Variants in NAV2 observed in about 807,000 individuals in gnomAD.
The protein encoded by NAV2 is neuron navigator 2.
In NAV2, 54 loss-of-function variants were observed where a neutral mutation model predicts 223.2. That is an observed-to-expected ratio of 0.24 (90% CI 0.19 to 0.30). The LOEUF (loss-of-function observed/expected upper bound fraction) is 0.30, where lower values mean the gene tolerates loss of function less well. Among genes scored for constraint, NAV2 ranks in the 10% least tolerant of loss-of-function variants. NAV2 has a pLI of 1.00. For synonymous variants in NAV2, 1,279 were observed against 1,239.3 expected (o/e 1.03, Z -0.67); for missense variants, 2,806 against 3,147.5 (o/e 0.89, Z 2.60).
intron 11 of NAV2, among the ~76,000 whole-genome samples, chr11:19,989,863 G>A (rs371723367): frequency 1.2e-4 from 18 of 152,014 alleles, no homozygotes; most frequent in Admixed American, 2.0e-4. Context: ...CAAATCCTCC[G>A]GTCGCCTAAC....
At chr11:19,980,862 G>T (rs1023947351) in intron 10 of NAV2, among the ~76,000 whole-genome samples, 3 of 152,144 alleles carry the variant, frequency 2.0e-5, no homozygotes, top group Non-Finnish European at 2.9e-5. Context: ...TTAATTTCTT[G>T]AGTGTGAGGC....
At chr11:19,934,837 A>T (rs927717813) in intron 7 of NAV2, among the ~76,000 whole-genome samples, 2 of 151,782 alleles carry the variant, frequency 1.3e-5, no homozygotes, top group Non-Finnish European at 2.9e-5. Flanking sequence ...GGTCTAGAAG[A>T]ACAAGAGCTC....
intron 1 of NAV2, among the ~76,000 whole-genome samples, chr11:19,746,183 G>T (rs1032069924): frequency 6.6e-6 from 1 of 152,184 alleles, no homozygotes; most frequent in Non-Finnish European, 1.5e-5. Flanking sequence ...GTTAGGTTCT[G>T]CTGGATCTCA....
intron 24 of NAV2, 116 bp downstream of exon 24, chr11:20,078,220 CATGTCAGGCAAGCAGGAA>C: frequency 1.3e-6 from 1 of 770,804 alleles, no homozygotes; most frequent in Non-Finnish European, 2.2e-6. Context: ...AATTCAGCTC[CATGTCAGGCAAGCAGGAA>C]CTGGAAGGCA....
chr11:19,697,478 A>G (rs1210659691), intron 1 of NAV2, among the ~76,000 whole-genome samples: 2 of 152,138 alleles, frequency 1.3e-5, no homozygotes, highest in African/African-American at 4.8e-5. Context: ...CTTCCTGAAT[A>G]GGGCAATGCA....
At chr11:19,670,730 G>A (rs948570994) in intron 1 of NAV2, among the ~76,000 whole-genome samples, 3 of 152,206 alleles carry the variant, frequency 2.0e-5, no homozygotes, top group Non-Finnish European at 2.9e-5. Flanking sequence ...TCACATAGAA[G>A]GCAGAAGCAG....
chr11:19,904,649 C>A (rs1450863805), intron 6 of NAV2, among the ~76,000 whole-genome samples: 1 of 152,068 alleles, frequency 6.6e-6, no homozygotes, highest in Non-Finnish European at 1.5e-5. Context: ...CCTGAACTAG[C>A]TTTTTTCTTC....
At chr11:19,455,569 A>G (rs1245303417) in intron 1 of NAV2, among the ~76,000 whole-genome samples, 4 of 152,212 alleles carry the variant, frequency 2.6e-5, no homozygotes, top group African/African-American at 9.6e-5. Context: ...TTAGGGCCTC[A>G]GTGAATATTT....
chr11:19,981,548 T>A (rs1193484139), intron 10 of NAV2, among the ~76,000 whole-genome samples: 2 of 152,214 alleles, frequency 1.3e-5, no homozygotes, highest in African/African-American at 4.8e-5. Context: ...TTTGACAAGA[T>A]CTCCCCAGTT....
intron 2 of NAV2, among the ~76,000 whole-genome samples, chr11:19,837,095 T>C (rs990041031): frequency 6.6e-6 from 1 of 152,138 alleles, no homozygotes; most frequent in Non-Finnish European, 1.5e-5. Flanking sequence ...TTTTATTAAG[T>C]CCTCCCCTTG....
chr11:19,454,712 G>A (rs1307042927), intron 1 of NAV2, among the ~76,000 whole-genome samples: 5 of 152,140 alleles, frequency 3.3e-5, no homozygotes, highest in Admixed American at 3.3e-4. Flanking sequence ...GTGAATTAAT[G>A]GGACACGTAA....
intron 1 of NAV2, among the ~76,000 whole-genome samples, chr11:19,432,179 C>T (rs1163522772): frequency 2.6e-5 from 3 of 113,410 alleles, no homozygotes; most frequent in Non-Finnish European, 5.3e-5. Flanking sequence ...GCCTGGGCAA[C>T]AAGAGCAAAA....
At chr11:19,636,697 C>T (rs2047512754) in intron 1 of NAV2, among the ~76,000 whole-genome samples, 1 of 152,160 alleles carries the variant, frequency 6.6e-6, no homozygotes, top group Admixed American at 6.5e-5. Context: ...GTCTTGATCT[C>T]CTGACCTTGT....
At chr11:19,989,976 A>G (rs965361750) in intron 11 of NAV2, among the ~76,000 whole-genome samples, 1 of 152,206 alleles carries the variant, frequency 6.6e-6, no homozygotes, top group Admixed American at 6.5e-5. Flanking sequence ...TGAAAATACA[A>G]GCAATGCCCA....
At chr11:19,483,843 C>G (rs1362383369) in intron 1 of NAV2, among the ~76,000 whole-genome samples, 1 of 152,108 alleles carries the variant, frequency 6.6e-6, no homozygotes, top group Non-Finnish European at 1.5e-5. Context: ...CTGTTCTTGT[C>G]TTTCAGAAGA....
Position 19,522,562 on chromosome 11 carries a change from G to A in NAV2, c.75+171535G>A, listed in dbSNP as rs58470067. Among the ~76,000 whole-genome samples the A allele has an allele frequency of 8.8e-3, 1,335 of 152,274 alleles. 14 individuals are homozygous for A. The highest frequency in any genetic ancestry group is 0.031 in the African/African-American group (1,274 of 41,554). On this transcript the variant is annotated intron_variant, in intron 1 of 37. Coordinates refer to the NAV2 transcript ENST00000360655. ...CCCTGGCCCCTGCTGGAACCCATGA[G>A]GCCCTCCTGAGCCTCCTCACCACTG...
At chr11:19,945,977 T>C (rs1014867070) in intron 8 of NAV2, among the ~76,000 whole-genome samples, 6 of 152,232 alleles carry the variant, frequency 3.9e-5, no homozygotes, top group Admixed American at 3.3e-4. Flanking sequence ...CAAGCTATGC[T>C]TGCACAGTAG....
At chr11:20,049,623 C>T (rs749451451) in intron 15 of NAV2, among the ~76,000 whole-genome samples, 3 of 151,966 alleles carry the variant, frequency 2.0e-5, no homozygotes, top group Non-Finnish European at 4.4e-5. Context: ...TTGTGGCAAA[C>T]ACCCTCCTCC....
At position 19,370,723 on chromosome 11, in the gene NAV2, C is replaced by T. The variant is rs190136853; in HGVS notation, c.75+19696C>T. Among the ~76,000 whole-genome samples the T allele has an allele frequency of 1.2e-4, 18 of 152,312 alleles. No homozygotes were observed. The East Asian group carries it at 3.3e-3, about 28-fold the overall frequency. On this transcript the variant is annotated intron_variant, in intron 1 of 37. Coordinates refer to the NAV2 transcript ENST00000360655. ...GTGTAACAGTCAGAGGATAACATGG[C>T]GCCTGTGCTTGCAGACTCCCCACCG...
Sources: allele counts gnomAD v4.1 joint callset (sites outside exome capture counted in the v4.1 genomes callset), GRCh38; gene constraint gnomAD v4.1.1; transcripts MANE v1.5; gene names NCBI Gene and HGNC (gene_info 2026-07-23, HGNC 2026-07-21).